TCF12: variants seen among roughly 807,000 people sequenced by gnomAD.
TCF12 encodes transcription factor 12.
TCF12 carries 45 observed loss-of-function variants against 86.0 expected under a neutral mutation model. That is an observed-to-expected ratio of 0.52 (90% CI 0.41 to 0.67). TCF12 has a LOEUF of 0.67. Among genes scored for constraint, TCF12 ranks in the 30% least tolerant of loss-of-function variants. TCF12 has a pLI of 0.00. For missense variants in TCF12, 881 were observed against 859.9 expected (o/e 1.02, Z -0.31); for synonymous variants, 330 against 299.6 (o/e 1.10, Z -1.05).
chr15:57,101,419 C>T (rs1486831534), intron 5 of TCF12, among the ~76,000 whole-genome samples: 3 of 152,134 alleles, frequency 2.0e-5, no homozygotes, highest in Non-Finnish European at 2.9e-5. Flanking sequence ...TTGCGCTGCC[C>T]AGGCTGGTCC....
intron 3 of TCF12, among the ~76,000 whole-genome samples, chr15:57,041,566 A>G (rs1170986583): frequency 4.6e-5 from 7 of 152,238 alleles, no homozygotes; most frequent in South Asian, 2.1e-4. Context: ...ACAAAGATCT[A>G]GAGCCACTGC....
intron 6 of TCF12, among the ~76,000 whole-genome samples, chr15:57,177,948 G>T (rs734033): frequency 0.18 from 27,489 of 151,946 alleles, 3,001 homozygotes; most frequent in Non-Finnish European, 0.24. Flanking sequence ...CTTTCTTTCT[G>T]TTCTCTCCAT....
At chr15:57,199,336 A>G (rs2057422266) in intron 8 of TCF12, among the ~76,000 whole-genome samples, 2 of 152,238 alleles carry the variant, frequency 1.3e-5, no homozygotes, top group Admixed American at 6.5e-5. Flanking sequence ...AACTGACAGT[A>G]CTGCTAAAAC....
intron 3 of TCF12, among the ~76,000 whole-genome samples, chr15:56,937,726 G>C (rs911895338): frequency 4.6e-5 from 7 of 151,978 alleles, no homozygotes; most frequent in African/African-American, 1.2e-4. Context: ...TCTCTTATAT[G>C]CCAGTTTTGC....
intron 3 of TCF12, among the ~76,000 whole-genome samples, chr15:56,928,691 A>G (rs2060120430): frequency 6.6e-6 from 1 of 152,338 alleles, no homozygotes; most frequent in African/African-American, 2.4e-5. Flanking sequence ...GTGCAGAATA[A>G]TGAAGAGAAT....
chr15:56,963,027 C>CTTTTTTTTTT (rs532973260), intron 3 of TCF12, among the ~76,000 whole-genome samples: 36 of 96,186 alleles, frequency 3.7e-4, no homozygotes, highest in South Asian at 7.4e-4. Context: ...GTGTTAAGGT[C>CTTTTTTTTTT]TTTTTTTTTT....
intron 5 of TCF12, among the ~76,000 whole-genome samples, chr15:57,095,199 T>A (rs899780133): frequency 6.6e-6 from 1 of 152,152 alleles, no homozygotes; most frequent in Admixed American, 6.5e-5. Context: ...CTCTGAAATA[T>A]TAAAACTGTA....
chr15:57,263,749 G>T (rs547455665), intron 18 of TCF12, among the ~76,000 whole-genome samples: 98 of 152,270 alleles, frequency 6.4e-4, no homozygotes, highest in African/African-American at 2.4e-3. Context: ...GTTGTTCCTA[G>T]GCTGTATACC....
chr15:57,039,314 A>G (rs950198918), intron 3 of TCF12, among the ~76,000 whole-genome samples: 1 of 152,160 alleles, frequency 6.6e-6, no homozygotes, highest in Non-Finnish European at 1.5e-5. Context: ...ATATCTGTTC[A>G]TATTGAAACT....
intron 3 of TCF12, among the ~76,000 whole-genome samples, chr15:56,934,426 A>G (rs1351512334): frequency 6.6e-6 from 1 of 151,974 alleles, no homozygotes; most frequent in African/African-American, 2.4e-5. Flanking sequence ...CGCTAGAGAA[A>G]CTCTTGTCTG....
intron 3 of TCF12, among the ~76,000 whole-genome samples, chr15:57,020,275 T>C (rs1313263801): frequency 6.6e-6 from 1 of 152,156 alleles, no homozygotes; most frequent in Non-Finnish European, 1.5e-5. Flanking sequence ...ATAATTGGGA[T>C]AGGAACAGAA....
chr15:57,034,792 G>A (rs1160967550), intron 3 of TCF12, among the ~76,000 whole-genome samples: 1 of 152,102 alleles, frequency 6.6e-6, no homozygotes, highest in Non-Finnish European at 1.5e-5. Flanking sequence ...CCCAGAACTA[G>A]GACACTGTCT....
In TCF12 at chr15:57,170,689, A is replaced by ATTATATATT. The variant is rs71113072; in HGVS notation, c.390+4223_390+4224insTTATATATT. 4.5e-3 allele frequency among the ~76,000 whole-genome samples: 105 copies of ATTATATATT among 23,540 alleles called. 6 individuals carry two copies. The highest frequency in any genetic ancestry group is 0.011 in the African/African-American group (101 of 9,182). 15.4% of individuals were successfully genotyped at this position (23,540 alleles called of 152,430 possible). On this transcript the variant is annotated intron_variant, in intron 6 of 20. Transcript: ENST00000333725. ...TATATATATATAATATATTATATATAATATATATTATATATAATATATAAT... is the reference window on the plus strand; with the variant it reads ...TATATATATATAATATATTATATATATTATATATTATATATATTATATATAATATATAAT...
At chr15:56,987,265 CA>C (rs2063236540) in intron 3 of TCF12, among the ~76,000 whole-genome samples, 1 of 152,118 alleles carries the variant, frequency 6.6e-6, no homozygotes, top group Admixed American at 6.6e-5. Context: ...AGGTGCCCGC[CA>C]CCACGCCCGG....
chr15:57,269,885 C>T (rs761513907), intron 18 of TCF12, among the ~76,000 whole-genome samples: 1 of 152,130 alleles, frequency 6.6e-6, no homozygotes, highest in African/African-American at 2.4e-5. Flanking sequence ...AATATTGGCC[C>T]CGACTCTCTT....
At chr15:57,163,197 G>A (rs1233161518) in intron 5 of TCF12, among the ~76,000 whole-genome samples, 1 of 151,714 alleles carries the variant, frequency 6.6e-6, no homozygotes, top group Non-Finnish European at 1.5e-5. Flanking sequence ...AATAAAAAAT[G>A]TAGTTCACTA....
intron 8 of TCF12, among the ~76,000 whole-genome samples, chr15:57,230,793 G>A (rs2059100044): frequency 6.6e-6 from 1 of 151,968 alleles, no homozygotes; most frequent in African/African-American, 2.4e-5. Flanking sequence ...ATGCTATATT[G>A]AAAGGACATT....
At chr15:57,083,356 AT>A (rs1340361522) in intron 4 of TCF12, among the ~76,000 whole-genome samples, 1 of 151,876 alleles carries the variant, frequency 6.6e-6, no homozygotes, top group Admixed American at 6.6e-5. Context: ...ATAAAAAGAG[AT>A]TTTTTTCCTG....
intron 13 of TCF12, chr15:57,247,872 C>T: frequency 1.3e-6 from 1 of 760,400 alleles, no homozygotes; most frequent in East Asian, 2.4e-5. Flanking sequence ...GTGAGTGTGC[C>T]CCATTTCTCA....
Sources: allele counts gnomAD v4.1 joint callset (sites outside exome capture counted in the v4.1 genomes callset), GRCh38; gene constraint gnomAD v4.1.1; transcripts MANE v1.5; gene names NCBI Gene and HGNC (gene_info 2026-07-23, HGNC 2026-07-21).